The following ARMH1 variants were observed in gnomAD, a reference collection of about 807,000 sequenced individuals.
ARMH1 encodes the protein armadillo like helical domain containing 1.
ARMH1 carries 34 observed loss-of-function variants against 50.2 expected under a neutral mutation model. That is an observed-to-expected ratio of 0.68 (90% CI 0.51 to 0.90). The LOEUF (loss-of-function observed/expected upper bound fraction) is 0.90, where lower values mean the gene tolerates loss of function less well. Among genes scored for constraint, ARMH1 ranks in the 40% least tolerant of loss-of-function variants. The pLI, the probability that ARMH1 is intolerant of heterozygous loss-of-function variation, is 0.00. For synonymous variants in ARMH1, 221 were observed against 224.2 expected (o/e 0.99, Z 0.13); for missense variants, 538 against 553.9 (o/e 0.97, Z 0.29).
intron 2 of ARMH1, among the ~76,000 whole-genome samples, chr1:44,695,889 G>A (rs1226534528): frequency 6.6e-6 from 1 of 150,656 alleles, no homozygotes; most frequent in Non-Finnish European, 1.5e-5. Flanking sequence ...AGCCTACAGT[G>A]AGCTGTGATT....
At chr1:44,721,268 C>A (rs994013131) in intron 6 of ARMH1, among the ~76,000 whole-genome samples, 6 of 151,956 alleles carry the variant, frequency 3.9e-5, no homozygotes, top group Admixed American at 1.3e-4. Context: ...CAAAGGTAGT[C>A]CAGAATTGTT....
At chr1:44,696,325 C>G (rs544372016) in intron 2 of ARMH1, among the ~76,000 whole-genome samples, 1 of 152,186 alleles carries the variant, frequency 6.6e-6, no homozygotes, top group Non-Finnish European at 1.5e-5. Flanking sequence ...ATTACATTAG[C>G]CTTTATCAGC....
Position 44,724,486 on chromosome 1 carries a change from G to T in ARMH1, c.921-53G>T. On this transcript the variant is annotated intron_variant, in intron 8 of 11. Coordinates refer to ENST00000535358, the MANE Select transcript of ARMH1 (RefSeq NM_001145636.2). This position sits in a 1 kb window ranked among gnomAD's most constrained non-coding sequence, Gnocchi z 6.4. The stretch of plus-strand genomic sequence containing the variant: ...CGCTCCGTGCGCCGGGTGGGCGGGG[G>T]TGTGCGCCGGGTGAGCCCCAGGGCG... 1.3e-6 allele frequency: 2 copies of T among 1,513,386 alleles called. No homozygotes were observed. Among genetic ancestry groups the T allele is most frequent in the Non-Finnish European group, 1.8e-6 (2 of 1,133,872 alleles). 93.7% of individuals were successfully genotyped at this position (1,513,386 alleles called of 1,614,324 possible).
chr1:44,680,980 G>T (rs935506336), intron 1 of ARMH1, among the ~76,000 whole-genome samples: 4 of 149,138 alleles, frequency 2.7e-5, no homozygotes, highest in Non-Finnish European at 5.9e-5. Flanking sequence ...CCTCCAATTT[G>T]CCCCCTTCCG....
intron 6 of ARMH1, among the ~76,000 whole-genome samples, chr1:44,714,016 G>C (rs1280499176): frequency 6.6e-6 from 1 of 152,124 alleles, no homozygotes; most frequent in Admixed American, 6.6e-5. Flanking sequence ...AGTGGCTCAC[G>C]CATGTACCCA....
chr1:44,703,909 G>T (rs1646214503), intron 5 of ARMH1, among the ~76,000 whole-genome samples, 180 bp from the exon 6 acceptor site: 1 of 151,282 alleles, frequency 6.6e-6, no homozygotes, highest in African/African-American at 2.4e-5. Context: ...TGCATTTTTA[G>T]TAGAGACAGT....
At chr1:44,718,828 C>T (rs1456804416) in intron 6 of ARMH1, among the ~76,000 whole-genome samples, 7 of 151,998 alleles carry the variant, frequency 4.6e-5, no homozygotes, top group Non-Finnish European at 8.8e-5. Flanking sequence ...AGTTCAAGAC[C>T]AGCCTGACCA....
chr1:44,705,492 C>T (rs1573405517), intron 6 of ARMH1, among the ~76,000 whole-genome samples: 1 of 141,124 alleles, frequency 7.1e-6, no homozygotes, highest in Admixed American at 7.1e-5. Flanking sequence ...GATTCTGTCT[C>T]AAAAAAAAAA....
intron 6 of ARMH1, among the ~76,000 whole-genome samples, chr1:44,716,211 C>T (rs180820893): frequency 9.2e-5 from 14 of 152,166 alleles, no homozygotes; most frequent in African/African-American, 2.2e-4. Context: ...GCACCTCGTC[C>T]GCTCCCACAA....
intron 6 of ARMH1, 31 bp downstream of exon 6, chr1:44,704,204 A>G (rs1243303887): frequency 2.0e-6 from 3 of 1,485,220 alleles, no homozygotes; most frequent in East Asian, 4.9e-5. Context: ...AGAAGGGGGC[A>G]CCGAGAGCCA....
At chr1:44,718,077 G>C (rs1272914060) in intron 6 of ARMH1, among the ~76,000 whole-genome samples, 3 of 152,238 alleles carry the variant, frequency 2.0e-5, no homozygotes, top group African/African-American at 7.2e-5. Flanking sequence ...GTCAGAACTA[G>C]ACATTTGTCT....
chr1:44,708,100 G>A (rs1319467553), intron 6 of ARMH1, among the ~76,000 whole-genome samples: 1 of 152,250 alleles, frequency 6.6e-6, no homozygotes, highest in African/African-American at 2.4e-5. Context: ...GGTCAGAGTA[G>A]ACGGGAAGTT....
At chr1:44,714,664 A>G (rs992755569) in intron 6 of ARMH1, among the ~76,000 whole-genome samples, 3 of 151,906 alleles carry the variant, frequency 2.0e-5, no homozygotes, top group African/African-American at 7.3e-5. Flanking sequence ...GATGGCTGAC[A>G]CTGGTCTCTT....
At chr1:44,700,340 G>A (rs773635395) in intron 4 of ARMH1, among the ~76,000 whole-genome samples, 36 of 152,098 alleles carry the variant, frequency 2.4e-4, no homozygotes, top group African/African-American at 7.0e-4. Flanking sequence ...TATCATGGCC[G>A]GGCGCCGTGG....
chr1:44,677,076 G>A (rs1471806158), intron 1 of ARMH1, among the ~76,000 whole-genome samples: 2 of 152,116 alleles, frequency 1.3e-5, no homozygotes, highest in African/African-American at 4.8e-5. Context: ...TTCTTCGATG[G>A]TTTCCATTTT....
At chr1:44,722,903 CAAAAAA>C (rs71036693) in intron 6 of ARMH1, among the ~76,000 whole-genome samples, 52 of 85,970 alleles carry the variant, frequency 6.0e-4, no homozygotes, top group East Asian at 1.7e-3. Flanking sequence ...ACTAAAAATA[CAAAAAA>C]AAAAAAAAAA....
intron 1 of ARMH1, among the ~76,000 whole-genome samples, chr1:44,689,428 C>T (rs1336027871): frequency 2.6e-5 from 4 of 152,096 alleles, no homozygotes; most frequent in Non-Finnish European, 5.9e-5. Flanking sequence ...GTAGGGACGC[C>T]AAAGAGCTAA....
intron 1 of ARMH1, among the ~76,000 whole-genome samples, chr1:44,675,850 C>T (rs745399013): frequency 2.0e-5 from 3 of 151,624 alleles, no homozygotes; most frequent in Non-Finnish European, 2.9e-5. Flanking sequence ...ATCCCAGCTA[C>T]TTGGGAGGCT....
In ARMH1 at chr1:44,683,054, C is replaced by T. The variant is rs1645363143; in HGVS notation, c.-22-6622C>T. 6.6e-6 allele frequency among the ~76,000 whole-genome samples: 1 copy of T among 152,206 alleles called. No individual in the cohort carries two copies. The highest frequency in any genetic ancestry group is 6.5e-5 in the Admixed American group (1 of 15,274). On this transcript the variant is annotated intron_variant, in intron 1 of 11. Coordinates refer to ENST00000535358, the MANE Select transcript of ARMH1 (RefSeq NM_001145636.2). The surrounding 1 kb of genome is among the most constrained non-coding windows in gnomAD (Gnocchi z 4.2). ...CCATATGCGGAACAAGGGTGTGAAACTGAAATAGCGGCAGTGGAGGTGAAG... is the reference window on the plus strand; with the variant it reads ...CCATATGCGGAACAAGGGTGTGAAATTGAAATAGCGGCAGTGGAGGTGAAG...
Sources: allele counts gnomAD v4.1 joint callset (sites outside exome capture counted in the v4.1 genomes callset), GRCh38; gene constraint gnomAD v4.1.1; non-coding constraint Gnocchi (gnomAD v3.1); transcripts MANE v1.5; gene names NCBI Gene and HGNC (gene_info 2026-07-23, HGNC 2026-07-21).